BDKRB2: variants seen among roughly 807,000 people sequenced by gnomAD.
BDKRB2 encodes B2 bradykinin receptor.
A neutral mutation model predicts 4.0 loss-of-function variants in BDKRB2; 6 were observed. The ratio of observed to expected loss-of-function variants is 1.49; its 90% CI spans 0.81 to 2.93. The LOEUF is 2.93. Ranked by LOEUF, BDKRB2 falls within the 30% of genes most tolerant of loss-of-function variation. The pLI is 0.00. For synonymous variants in BDKRB2, 225 were observed against 215.3 expected, an observed-to-expected ratio of 1.05 and a Z score of -0.40; for missense variants, 478 against 520.1, an observed-to-expected ratio of 0.92 and a Z score of 0.79.
At chr14:96,217,164 C>T (rs937352895) in intron 1 of BDKRB2, among the ~76,000 whole-genome samples, 1 of 152,214 alleles carries the variant, frequency 6.6e-6, no homozygotes, top group East Asian at 1.9e-4. Context: ...GATAAGCAAA[C>T]ACCCTGTTCT....
At chr14:96,231,324 C>T (rs1890814017) in intron 1 of BDKRB2, among the ~76,000 whole-genome samples, 1 of 152,176 alleles carries the variant, frequency 6.6e-6, no homozygotes, top group African/African-American at 2.4e-5. Flanking sequence ...ACTCAATTCT[C>T]TTTGGGAGTT....
chr14:96,224,654 A>G (rs1278358114), intron 1 of BDKRB2, among the ~76,000 whole-genome samples: 1 of 152,174 alleles, frequency 6.6e-6, no homozygotes, highest in Admixed American at 6.5e-5. Flanking sequence ...CATGACCTGA[A>G]TGTTCTTGCC....
chr14:96,234,882 C>T (rs1367668469), intron 1 of BDKRB2, among the ~76,000 whole-genome samples: 6 of 152,128 alleles, frequency 3.9e-5, no homozygotes, highest in African/African-American at 9.7e-5. Context: ...CTTATCTGTG[C>T]GGCGGTCACT....
At chr14:96,225,850 C>T (rs749611796) in intron 1 of BDKRB2, among the ~76,000 whole-genome samples, 8 of 152,280 alleles carry the variant, frequency 5.3e-5, no homozygotes, top group Middle Eastern at 3.4e-3. Flanking sequence ...CAGGTTTGCA[C>T]GTGGTGGAGG....
chr14:96,222,662 T>C (rs1310626898), intron 1 of BDKRB2, among the ~76,000 whole-genome samples: 1 of 152,126 alleles, frequency 6.6e-6, no homozygotes, highest in East Asian at 1.9e-4. Flanking sequence ...CTCTCCAATA[T>C]GGCAGTGACC....
chr14:96,207,649 C>A (rs1236944951), intron 1 of BDKRB2, among the ~76,000 whole-genome samples: 1 of 152,026 alleles, frequency 6.6e-6, no homozygotes, highest in Non-Finnish European at 1.5e-5. Flanking sequence ...TCAATTACAA[C>A]AAATTGACTG....
intron 1 of BDKRB2, among the ~76,000 whole-genome samples, chr14:96,232,835 G>A (rs930108075): frequency 1.3e-5 from 2 of 152,146 alleles, no homozygotes; most frequent in South Asian, 2.1e-4. Flanking sequence ...CAGCTCTAAC[G>A]TGCAGTCAGA....
At chr14:96,209,084 A>G (rs897970925) in intron 1 of BDKRB2, among the ~76,000 whole-genome samples, 4 of 152,220 alleles carry the variant, frequency 2.6e-5, no homozygotes, top group Admixed American at 6.5e-5. Flanking sequence ...GGTCTGCCGG[A>G]GAAAGACCAA....
At chr14:96,223,356 A>G (rs908638948) in intron 1 of BDKRB2, 5 of 962,328 alleles carry the variant, frequency 5.2e-6, no homozygotes, top group Non-Finnish European at 8.5e-6. Context: ...GAAGCTGGCG[A>G]GCTACTTTTC....
intron 1 of BDKRB2, among the ~76,000 whole-genome samples, chr14:96,231,615 GT>G (rs1411462835): frequency 2.6e-5 from 4 of 152,188 alleles, no homozygotes; most frequent in African/African-American, 9.7e-5. Flanking sequence ...TTCTGGGGAG[GT>G]GTCAGGGAAA....
At chr14:96,218,349 A>T (rs1290561055) in intron 1 of BDKRB2, among the ~76,000 whole-genome samples, 1 of 152,134 alleles carries the variant, frequency 6.6e-6, no homozygotes, top group African/African-American at 2.4e-5. Flanking sequence ...GCGCTTTTGC[A>T]CTTGAGACCC....
chr14:96,223,025 A>T (rs1420785267), intron 1 of BDKRB2: 2 of 683,418 alleles, frequency 2.9e-6, no homozygotes, highest in East Asian at 2.7e-5. Context: ...AAAAGACAGT[A>T]AGAAATAGCA....
At position 96,240,044 on chromosome 14, in the gene BDKRB2, G is replaced by T. The variant is rs963475069; in HGVS notation, c.75-359G>T. On this transcript the variant is annotated intron_variant, in intron 2 of 2. Coordinates refer to ENST00000554311, the MANE Select transcript of BDKRB2 (RefSeq NM_001379692.1). Reference sequence around the variant, plus strand: ...CAAAGGTGACCAACTCCCTTGGGAGGGCCCCGGTTGATAAGGAAGGAATGT... The same window carrying T: ...CAAAGGTGACCAACTCCCTTGGGAGTGCCCCGGTTGATAAGGAAGGAATGT... 14 of 1,021,422 alleles carry T rather than the reference G, an allele frequency of 1.4e-5. No homozygotes were observed. In the African/African-American group the frequency reaches 2.0e-4, roughly 15 times the overall value. 63.3% of individuals were successfully genotyped at this position (1,021,422 alleles called of 1,614,324 possible).
At chr14:96,227,201 A>G (rs1890716409) in intron 1 of BDKRB2, among the ~76,000 whole-genome samples, 1 of 152,218 alleles carries the variant, frequency 6.6e-6, no homozygotes. Context: ...ATTGTGATGG[A>G]AACCGGATGT....
intron 1 of BDKRB2, among the ~76,000 whole-genome samples, chr14:96,231,603 T>C (rs947110079): frequency 1.1e-4 from 17 of 152,164 alleles, no homozygotes; most frequent in African/African-American, 3.6e-4. Context: ...GGAAAACATT[T>C]ATTCTGGGGA....
chr14:96,234,606 T>C (rs1254078553), intron 1 of BDKRB2, among the ~76,000 whole-genome samples: 4 of 152,094 alleles, frequency 2.6e-5, no homozygotes, highest in Non-Finnish European at 4.4e-5. Flanking sequence ...AGAAAACAAC[T>C]CAGTAGACTT....
chr14:96,212,641 G>A (rs1180676541), intron 1 of BDKRB2, among the ~76,000 whole-genome samples: 1 of 152,196 alleles, frequency 6.6e-6, no homozygotes, highest in African/African-American at 2.4e-5. Flanking sequence ...CGGCTCACTT[G>A]GGTGGTAAAG....
chr14:96,220,996 C>T (rs560820177), intron 1 of BDKRB2, among the ~76,000 whole-genome samples: 3 of 152,134 alleles, frequency 2.0e-5, no homozygotes, highest in East Asian at 1.9e-4. Context: ...CTATATCCCC[C>T]TATAAAGAGA....
At chr14:96,234,787 C>A (rs1435576613) in intron 1 of BDKRB2, among the ~76,000 whole-genome samples, 1 of 152,218 alleles carries the variant, frequency 6.6e-6, no homozygotes, top group Non-Finnish European at 1.5e-5. Context: ...GGACACCCAG[C>A]CAGGTAGATG....
Sources: allele counts gnomAD v4.1 joint callset (sites outside exome capture counted in the v4.1 genomes callset), GRCh38; gene constraint gnomAD v4.1.1; transcripts MANE v1.5; gene names NCBI Gene and HGNC (gene_info 2026-07-23, HGNC 2026-07-21).